USP34: variants seen among roughly 807,000 people sequenced by gnomAD.
USP34 encodes ubiquitin specific peptidase 34.
Under a neutral mutation model 460.3 loss-of-function variants are expected in USP34, and 70 were observed. The ratio of observed to expected loss-of-function variants is 0.15; its 90% confidence interval spans 0.13 to 0.19. The LOEUF (loss-of-function observed/expected upper bound fraction) is 0.19, where lower values mean the gene tolerates loss of function less well. USP34 is among the 10% of genes least tolerant of loss of function. The pLI, the probability that USP34 is intolerant of heterozygous loss-of-function variation, is 1.00. For missense variants in USP34, 3,985 were observed against 4,236.2 expected, an observed-to-expected ratio of 0.94 and a Z score of 1.65; for synonymous variants, 1,647 against 1,405.3, an observed-to-expected ratio of 1.17 and a Z score of -3.85.
intron 48 of USP34, among the ~76,000 whole-genome samples, chr2:61,254,481 T>G (rs528344799): frequency 4.6e-5 from 7 of 152,374 alleles, no homozygotes; most frequent in African/African-American, 1.4e-4. Flanking sequence ...TACTTAAAAA[T>G]GCAGGCTGGC....
chr2:61,193,387 A>AAAT (rs10627560), intron 75 of USP34: 1 of 147,414 alleles, frequency 6.8e-6, no homozygotes, highest in East Asian at 1.9e-4. Context: ...AAAAAAAAAA[A>AAAT]AAGTGGAGAA....
At chr2:61,396,694 T>C (rs1236039352) in intron 3 of USP34, among the ~76,000 whole-genome samples, 1 of 152,116 alleles carries the variant, frequency 6.6e-6, no homozygotes, top group South Asian at 2.1e-4. Context: ...TTCACCGTGT[T>C]AGCCAGGATG....
rs537190557 is a variant in USP34, at chr2:61,188,226, T to C, written c.10517A>G (p.His3506Arg). 11 of 1,614,152 alleles carry C rather than the reference T, an allele frequency of 6.8e-6. No homozygotes were observed. Among genetic ancestry groups the C allele is most frequent in the African/African-American group, 2.7e-5 (2 of 75,024 alleles). Residue 3506 changes from histidine (H) to arginine (R), a missense_variant, in exon 80 of 80, where the codon CAT becomes CGT. By Grantham distance (29) the His-to-Arg change is conservative. Coordinates refer to ENST00000398571, the MANE Select transcript of USP34 (RefSeq NM_014709.4). ...CATATGACTAAAGAGTCCTCTGGAA[T>C]GGCCACAACTGAGAGATAAAGCAAC... ...PEVALSLSCG[H>R]SRGLFSHMQQ...
chr2:61,453,914 T>C (rs1216740715), intron 1 of USP34, among the ~76,000 whole-genome samples: 1 of 151,946 alleles, frequency 6.6e-6, no homozygotes, highest in Non-Finnish European at 1.5e-5. Flanking sequence ...GATACTTGTA[T>C]TTTGGGTAGA....
At chr2:61,293,625 T>C in intron 32 of USP34, 75 bp from the exon 33 acceptor site, 1 of 1,058,082 alleles carries the variant, frequency 9.5e-7, no homozygotes, top group Non-Finnish European at 1.4e-6. Flanking sequence ...ATTCAGTAAC[T>C]GGATATGTAA....
chr2:61,249,096 T>C (rs894526442), intron 48 of USP34, among the ~76,000 whole-genome samples: 3 of 152,242 alleles, frequency 2.0e-5, no homozygotes, highest in Non-Finnish European at 2.9e-5. Flanking sequence ...CAAGTATTAA[T>C]AAAATAGAAC....
chr2:61,420,856 A>C (rs1179434488), intron 1 of USP34, 23 bp from the exon 2 acceptor site: 8 of 1,572,048 alleles, frequency 5.1e-6, no homozygotes, highest in Non-Finnish European at 7.0e-6. Flanking sequence ...AGAAATTTTA[A>C]AATTATGAAT....
intron 1 of USP34, among the ~76,000 whole-genome samples, chr2:61,456,417 CCTT>C (rs1695441540): frequency 6.6e-6 from 1 of 152,200 alleles, no homozygotes; most frequent in Admixed American, 6.6e-5. Flanking sequence ...GAAAAAGCAG[CCTT>C]CTTGTTCTTG....
At chr2:61,443,751 T>C (rs1213844126) in intron 1 of USP34, among the ~76,000 whole-genome samples, 1 of 152,174 alleles carries the variant, frequency 6.6e-6, no homozygotes, top group African/African-American at 2.4e-5. Flanking sequence ...CTGGTGGATA[T>C]GTTATTACAC....
At chr2:61,435,673 G>A (rs1184622823) in intron 1 of USP34, among the ~76,000 whole-genome samples, 1 of 152,122 alleles carries the variant, frequency 6.6e-6, no homozygotes, top group Admixed American at 6.6e-5. Flanking sequence ...TAAAATGGCA[G>A]GAGTAAGTCC....
At chr2:61,360,021 G>A (rs980116804) in intron 10 of USP34, among the ~76,000 whole-genome samples, 1 of 151,872 alleles carries the variant, frequency 6.6e-6, no homozygotes, top group African/African-American at 2.4e-5. Flanking sequence ...CTGACCTCAC[G>A]ATCCACCCGC....
chr2:61,228,741 A>C (rs1281007141), intron 60 of USP34, 22 bp from the exon 61 acceptor site: 4 of 1,593,486 alleles, frequency 2.5e-6, no homozygotes, highest in Non-Finnish European at 3.4e-6. Flanking sequence ...AACAAACAAA[A>C]TTTAAAAATA....
At chr2:61,445,222 T>TAAAAA (rs57854651) in intron 1 of USP34, among the ~76,000 whole-genome samples, 8 of 40,644 alleles carry the variant, frequency 2.0e-4, no homozygotes, top group East Asian at 7.8e-4. Flanking sequence ...AGAACCACAC[T>TAAAAA]AAAAAAAAAA....
intron 48 of USP34, 34 bp from the exon 49 acceptor site, chr2:61,248,717 T>C (rs1688489339): frequency 2.6e-6 from 4 of 1,509,668 alleles, no homozygotes; most frequent in African/African-American, 1.4e-5. Context: ...TAAAGATTAT[T>C]TTTTACAAAT....
intron 58 of USP34, among the ~76,000 whole-genome samples, chr2:61,230,830 G>A (rs1295760997): frequency 7.1e-6 from 1 of 140,000 alleles, no homozygotes; most frequent in Non-Finnish European, 1.5e-5. Context: ...GGCCACAAGA[G>A]CGAAACTCCG....
At chr2:61,448,018 T>G (rs1182252727) in intron 1 of USP34, among the ~76,000 whole-genome samples, 2 of 152,224 alleles carry the variant, frequency 1.3e-5, no homozygotes, top group African/African-American at 2.4e-5. Flanking sequence ...TCTGTGAAAT[T>G]TAATAAAATT....
At chr2:61,385,993 T>A (rs1572990442) in intron 5 of USP34, among the ~76,000 whole-genome samples, 1 of 117,182 alleles carries the variant, frequency 8.5e-6, no homozygotes, top group Non-Finnish European at 1.7e-5. Context: ...TGAGACTCTG[T>A]CTCCAAAAAA....
chr2:61,403,955 T>C (rs1023078368), intron 3 of USP34, among the ~76,000 whole-genome samples: 17 of 122,758 alleles, frequency 1.4e-4, no homozygotes, highest in Non-Finnish European at 2.4e-4. Flanking sequence ...ATCACACCAC[T>C]GCACTCCAGC....
intron 10 of USP34, among the ~76,000 whole-genome samples, chr2:61,365,199 C>A (rs568754067): frequency 6.6e-6 from 1 of 151,326 alleles, no homozygotes; most frequent in South Asian, 2.1e-4. Context: ...TTGCAGTAAG[C>A]TGAGATTGCC....
Sources: allele counts gnomAD v4.1 joint callset (sites outside exome capture counted in the v4.1 genomes callset), GRCh38; gene constraint gnomAD v4.1.1; transcripts MANE v1.5; gene names NCBI Gene and HGNC (gene_info 2026-07-23, HGNC 2026-07-21).